Variants in FAM163A observed in about 807,000 individuals in gnomAD.
FAM163A encodes protein FAM163A.
Under a neutral mutation model 12.0 loss-of-function variants are expected in FAM163A, and 7 were observed. That is an observed-to-expected ratio of 0.58 (90% CI 0.33 to 1.10). The LOEUF is 1.10. FAM163A is among the 50% of genes least tolerant of loss of function. FAM163A has a pLI of 0.03. For missense variants in FAM163A, 202 were observed against 218.6 expected, an observed-to-expected ratio of 0.92 and a Z score of 0.48; for synonymous variants, 101 against 91.0, an observed-to-expected ratio of 1.11 and a Z score of -0.62.
intron 1 of FAM163A, among the ~76,000 whole-genome samples, chr1:179,779,334 G>A (rs1417970546): frequency 6.6e-6 from 1 of 152,182 alleles, no homozygotes; most frequent in Non-Finnish European, 1.5e-5. Flanking sequence ...GGCTCAGGGG[G>A]ATATGAATGA....
chr1:179,796,056 G>C (rs1692263924), intron 1 of FAM163A, among the ~76,000 whole-genome samples: 1 of 149,564 alleles, frequency 6.7e-6, no homozygotes, highest in Non-Finnish European at 1.5e-5. Context: ...TGTTGCCCTT[G>C]ACTTTTCTGC....
At chr1:179,791,009 A>AG (rs1197449427) in intron 1 of FAM163A, among the ~76,000 whole-genome samples, 2 of 152,196 alleles carry the variant, frequency 1.3e-5, no homozygotes, top group Admixed American at 1.3e-4. Context: ...CTCCAGCAAT[A>AG]GTCCCTTTTA....
intron 1 of FAM163A, among the ~76,000 whole-genome samples, chr1:179,766,496 G>A (rs980190968): frequency 1.3e-5 from 2 of 152,180 alleles, no homozygotes; most frequent in African/African-American, 4.8e-5. Flanking sequence ...ATACTTTGTT[G>A]AACCTAAGCG....
chr1:179,757,023 T>A (rs1300827326), intron 1 of FAM163A, among the ~76,000 whole-genome samples: 1 of 152,128 alleles, frequency 6.6e-6, no homozygotes, highest in African/African-American at 2.4e-5. Flanking sequence ...TACGCAAACA[T>A]TAGAGAAATG....
At chr1:179,760,066 AT>A (rs931973443) in intron 1 of FAM163A, among the ~76,000 whole-genome samples, 21 of 152,302 alleles carry the variant, frequency 1.4e-4, no homozygotes, top group African/African-American at 5.1e-4. Flanking sequence ...TTCATGTTTT[AT>A]AAAGATCATC....
At chr1:179,756,818 TGAAGA>T (rs1344789974) in intron 1 of FAM163A, among the ~76,000 whole-genome samples, 36 of 152,108 alleles carry the variant, frequency 2.4e-4, no homozygotes, top group Admixed American at 1.3e-4. Flanking sequence ...CATGAATGGT[TGAAGA>T]GGAGAAAAGT....
the FAM163A span, among the ~76,000 whole-genome samples, chr1:179,733,741 C>G: frequency 6.6e-6 from 1 of 152,148 alleles, no homozygotes; most frequent in Admixed American, 6.6e-5. Context: ...CTCCCTCCAC[C>G]TGGTCCCACA....
intron 1 of FAM163A, among the ~76,000 whole-genome samples, chr1:179,784,253 A>G (rs892350141): frequency 6.6e-6 from 1 of 152,180 alleles, no homozygotes. Flanking sequence ...CAACTTGCCT[A>G]TGCCCCGACC....
At chr1:179,790,598 A>G (rs1171523502) in intron 1 of FAM163A, among the ~76,000 whole-genome samples, 3 of 151,554 alleles carry the variant, frequency 2.0e-5, no homozygotes, top group Non-Finnish European at 4.4e-5. Context: ...AAGAGATCAA[A>G]CTCACCCTTC....
chr1:179,774,553 G>A (rs1248349225), intron 1 of FAM163A, among the ~76,000 whole-genome samples: 1 of 152,266 alleles, frequency 6.6e-6, no homozygotes, highest in African/African-American at 2.4e-5. Context: ...GTGATACAGA[G>A]AGTGGGAGAC....
At chr1:179,776,944 G>A (rs1336854617) in intron 1 of FAM163A, among the ~76,000 whole-genome samples, 1 of 152,108 alleles carries the variant, frequency 6.6e-6, no homozygotes, top group Non-Finnish European at 1.5e-5. Flanking sequence ...GGACTATTCT[G>A]GAAATTTTAC....
intron 1 of FAM163A, among the ~76,000 whole-genome samples, chr1:179,806,036 C>T (rs975336022): frequency 6.6e-6 from 1 of 152,210 alleles, no homozygotes; most frequent in Non-Finnish European, 1.5e-5. Context: ...AGCCCCAGAG[C>T]TCTCCTCCCT....
chr1:179,767,857 A>G (rs1340441571), intron 1 of FAM163A, among the ~76,000 whole-genome samples: 1 of 152,242 alleles, frequency 6.6e-6, no homozygotes, highest in East Asian at 1.9e-4. Flanking sequence ...TGTGGTTAAA[A>G]AAAGCACACA....
intron 1 of FAM163A, among the ~76,000 whole-genome samples, chr1:179,745,111 G>C (rs929367338): frequency 7.9e-5 from 12 of 152,058 alleles, no homozygotes; most frequent in African/African-American, 2.7e-4. Flanking sequence ...ATGCCTAAGA[G>C]AATCTAAACC....
chr1:179,785,280 G>A lies in FAM163A; in HGVS notation c.-135-22518G>A, dbSNP rs910534731. Among the ~76,000 whole-genome samples the A allele has an allele frequency of 2.6e-5, 4 of 152,178 alleles. No individual in the cohort carries two copies. The East Asian group carries it at 7.7e-4, about 29-fold the overall frequency. On this transcript the variant is annotated intron_variant, in intron 1 of 4. Coordinates refer to ENST00000341785, the MANE Select transcript of FAM163A (RefSeq NM_173509.3). ...AATTAAGAAACCATAAATTGTGGTCGACTAGAAAGGTCACTGCACAAGCTA... is the reference window on the plus strand; with the variant it reads ...AATTAAGAAACCATAAATTGTGGTCAACTAGAAAGGTCACTGCACAAGCTA...
intron 1 of FAM163A, among the ~76,000 whole-genome samples, chr1:179,781,889 G>A (rs1393785455): frequency 3.4e-5 from 5 of 149,166 alleles, no homozygotes; most frequent in Non-Finnish European, 5.9e-5. Flanking sequence ...AGCCAAGATC[G>A]TGCTGCTGCA....
rs943320312 is a variant in FAM163A at position 179,816,069 on chromosome 1, G to A, written c.*1880G>A. On this transcript the variant is annotated 3_prime_UTR_variant, in exon 5 of 5. Coordinates refer to ENST00000341785, the MANE Select transcript of FAM163A (RefSeq NM_173509.3). Reference sequence around the variant, plus strand: ...TGAGAATTTCCGAAAAAGATCTGCCGGCCCAGAGCACTCCCTCTTGCCCTA... The same window carrying A: ...TGAGAATTTCCGAAAAAGATCTGCCAGCCCAGAGCACTCCCTCTTGCCCTA... The A allele has an allele frequency of 1.3e-5, 2 of 152,160 alleles. No individual in the cohort carries two copies. The highest frequency in any genetic ancestry group is 1.9e-4 in the East Asian group (1 of 5,194). 9.4% of individuals were successfully genotyped at this position (152,160 alleles called of 1,614,324 possible).
chr1:179,750,640 CATCTT>C (rs752249482), intron 1 of FAM163A, among the ~76,000 whole-genome samples: 1 of 152,202 alleles, frequency 6.6e-6, no homozygotes, highest in Non-Finnish European at 1.5e-5. Flanking sequence ...AAACATACCT[CATCTT>C]ATCAGCCACA....
intron 1 of FAM163A, among the ~76,000 whole-genome samples, chr1:179,785,217 C>G (rs766353288): frequency 6.6e-6 from 1 of 152,200 alleles, no homozygotes; most frequent in Non-Finnish European, 1.5e-5. Flanking sequence ...CCTCCCTTGC[C>G]TGGTATATAA....
Sources: allele counts gnomAD v4.1 joint callset (sites outside exome capture counted in the v4.1 genomes callset), GRCh38; gene constraint gnomAD v4.1.1; transcripts MANE v1.5; gene names NCBI Gene and HGNC (gene_info 2026-07-23, HGNC 2026-07-21).